The following PNPT1 variants were observed in gnomAD, a reference collection of about 807,000 sequenced individuals.
The protein encoded by PNPT1 is polyribonucleotide nucleotidyltransferase 1.
PNPT1 carries 53 observed loss-of-function variants against 119.5 expected under a neutral mutation model. That is an observed-to-expected ratio of 0.44 (90% CI 0.36 to 0.56). The LOEUF (loss-of-function observed/expected upper bound fraction) is 0.56. Ranked by LOEUF, PNPT1 falls within the 20% of genes least tolerant of loss-of-function variation. PNPT1 has a pLI of 0.00. For missense variants in PNPT1, 948 were observed against 938.5 expected, an observed-to-expected ratio of 1.01 and a Z score of -0.13; for synonymous variants, 357 against 322.1, an observed-to-expected ratio of 1.11 and a Z score of -1.16.
At position 55,661,081 on chromosome 2, in the gene PNPT1, AAT is replaced by A. The variant is rs575579531; in HGVS notation, c.1247+873_1247+874del. 1.2e-4 allele frequency among the ~76,000 whole-genome samples: 18 copies of A among 148,490 alleles called. No individual in the cohort carries two copies. The South Asian group carries it at 3.6e-3, about 30-fold the overall frequency. ...ATGCAATAATGCTGGTGAGGACTGC[AAT>A]AGAGATTCTTTTTTTTTTTTTTTTT... is the stretch of plus-strand genomic sequence containing the variant. On this transcript the variant is annotated intron_variant, in intron 14 of 27. Transcript: ENST00000447944.
intron 11 of PNPT1, among the ~76,000 whole-genome samples, chr2:55,668,974 T>A (rs546365949): frequency 6.6e-6 from 1 of 152,346 alleles, no homozygotes; most frequent in East Asian, 1.9e-4. Flanking sequence ...GGAAAAATTT[T>A]AAAAATATAT....
intron 1 of PNPT1, among the ~76,000 whole-genome samples, chr2:55,690,795 C>A (rs1330728680): frequency 6.6e-6 from 1 of 152,042 alleles, no homozygotes; most frequent in African/African-American, 2.4e-5. Flanking sequence ...TAAAATGGGT[C>A]TCCTGTGACT....
At chr2:55,668,998 A>G (rs1391065190) in intron 11 of PNPT1, among the ~76,000 whole-genome samples, 1 of 152,208 alleles carries the variant, frequency 6.6e-6, no homozygotes, top group Non-Finnish European at 1.5e-5. Context: ...AAATCCCTAC[A>G]AACTGTTTTC....
At position 55,679,662 on chromosome 2, in the gene PNPT1, T is replaced by C. The variant is rs998613585; in HGVS notation, c.679+20A>G. Reference sequence around the variant, plus strand: ...TTGTAAGTAAAATCCAGAACAAATGTGGTATTTAAAACAACTTACCAATCT... The same window carrying C: ...TTGTAAGTAAAATCCAGAACAAATGCGGTATTTAAAACAACTTACCAATCT... On this transcript the variant is annotated intron_variant, in intron 8 of 27. Coordinates refer to ENST00000447944, the MANE Select transcript of PNPT1 (RefSeq NM_033109.5). 2 of 1,471,466 alleles carry C rather than the reference T, an allele frequency of 1.4e-6. No homozygotes were observed. Among genetic ancestry groups the C allele is most frequent in the South Asian group, 2.3e-5 (2 of 87,370 alleles). The allele number at this position is 1,471,466 out of a possible 1,614,324, so 91.2% of individuals were successfully genotyped here.
intron 11 of PNPT1, among the ~76,000 whole-genome samples, chr2:55,670,863 G>T (rs1030830804): frequency 4.6e-5 from 7 of 151,958 alleles, no homozygotes; most frequent in African/African-American, 1.7e-4. Flanking sequence ...TACATTCATA[G>T]AAGTTAATTT....
intron 1 of PNPT1, 112 bp downstream of exon 1, chr2:55,693,551 G>T: frequency 6.9e-7 from 1 of 1,453,480 alleles, no homozygotes. Context: ...TTAGGGTAAG[G>T]AGAGATTAAA....
rs1473450802 is a variant in PNPT1 at position 55,654,613 on chromosome 2, T to C, written c.1495+287A>G. ...GCAGATATCTGGATATCTGAAGCTC[T>C]ACTTTTCAGCCATCTTGCCTCTGGC... is the stretch of plus-strand genomic sequence containing the variant. On this transcript the variant is annotated intron_variant, in intron 18 of 27. Transcript: ENST00000447944. Among the ~76,000 whole-genome samples the C allele has an allele frequency of 1.1e-4, 16 of 152,368 alleles. 1 individual carries two copies. The highest frequency in any genetic ancestry group is 3.9e-4 in the Admixed American group (6 of 15,304).
chr2:55,691,341 T>C (rs1282880893), intron 1 of PNPT1, among the ~76,000 whole-genome samples: 7 of 152,212 alleles, frequency 4.6e-5, no homozygotes, highest in African/African-American at 1.7e-4. Flanking sequence ...ACACCTACAA[T>C]AATTATATAA....
chr2:55,637,643 T>C (rs370899626), intron 26 of PNPT1, 44 bp from the exon 27 acceptor site: 6 of 1,458,498 alleles, frequency 4.1e-6, no homozygotes, highest in East Asian at 2.3e-5. Flanking sequence ...TGCATAATTA[T>C]GTAGTGTCCA....
Position 55,667,601 on chromosome 2 carries a change from AAAAC to A in PNPT1, c.1073+257_1073+260del, listed in dbSNP as rs565140375. Among the ~76,000 whole-genome samples, 456 of 151,994 alleles carry A rather than the reference AAAAC, an allele frequency of 3.0e-3. 3 individuals carry two copies. Among genetic ancestry groups the A allele is most frequent in the Non-Finnish European group, 5.1e-3 (346 of 67,954 alleles). ...ACTCTGTCTCAAAAAAAAAAAACAA[AAAAC>A]AAACAAACAAAAAACTCTACAGGTA... On this transcript the variant is annotated intron_variant, in intron 12 of 27. Coordinates refer to ENST00000447944, the MANE Select transcript of PNPT1 (RefSeq NM_033109.5).
intron 2 of PNPT1, among the ~76,000 whole-genome samples, 178 bp from the exon 3 acceptor site, chr2:55,686,622 A>G (rs1282562810): frequency 6.6e-6 from 1 of 152,254 alleles, no homozygotes; most frequent in Non-Finnish European, 1.5e-5. Context: ...AGCTTTTCAA[A>G]AGCTATGGAA....
At position 55,680,555 on chromosome 2, in the gene PNPT1, T is replaced by C. The variant is rs555340965; in HGVS notation, c.565+157A>G. ...ACAGAACCCAAGACAAGGATGAAAA[T>C]GTCTGAAAGACCTGAAAGGAGACTT... On this transcript the variant is annotated intron_variant, in intron 7 of 27. Transcript: ENST00000447944. Among the ~76,000 whole-genome samples, 604 of 151,814 alleles carry C rather than the reference T, an allele frequency of 4.0e-3. 3 individuals are homozygous for C. Among genetic ancestry groups the C allele is most frequent in the Non-Finnish European group, 6.2e-3 (422 of 67,972 alleles).
Position 55,640,620 on chromosome 2 carries a change from T to G in PNPT1, c.2148+7A>C, listed in dbSNP as rs1216700013. On this transcript the variant is annotated splice_region_variant and intron_variant, in intron 26 of 27. Coordinates refer to ENST00000447944, the MANE Select transcript of PNPT1 (RefSeq NM_033109.5). The stretch of plus-strand genomic sequence containing the variant: ...AAAAATAATAACAATAACATCTGTC[T>G]TTTTACCTTTCGTTGATCAAGTTGT... 1 of 1,565,652 alleles carries G rather than the reference T, an allele frequency of 6.4e-7. No homozygotes were observed. The highest frequency in any genetic ancestry group is 1.7e-5 in the Admixed American group (1 of 59,364).
At chr2:55,650,412 C>T (rs1187261463) in intron 18 of PNPT1, among the ~76,000 whole-genome samples, 9 of 152,208 alleles carry the variant, frequency 5.9e-5, no homozygotes, top group African/African-American at 1.9e-4. Flanking sequence ...CCTGAGGTGC[C>T]GGGATTGCAG....
At chr2:55,675,292 A>G (rs1044062082) in intron 8 of PNPT1, among the ~76,000 whole-genome samples, 5 of 150,894 alleles carry the variant, frequency 3.3e-5, no homozygotes, top group Admixed American at 3.3e-4. Context: ...CCAGATTCAA[A>G]AAAAAAAAAA....
chr2:55,662,896 TTG>T (rs201632336), intron 13 of PNPT1, among the ~76,000 whole-genome samples: 21 of 142,076 alleles, frequency 1.5e-4, no homozygotes, highest in East Asian at 1.1e-3. Flanking sequence ...TTTTTTTTTT[TTG>T]GAGACGGAAT....
intron 18 of PNPT1, among the ~76,000 whole-genome samples, chr2:55,652,044 G>A (rs1696229046): frequency 6.6e-6 from 1 of 152,050 alleles, no homozygotes; most frequent in Admixed American, 6.6e-5. Context: ...CTCCTAATAT[G>A]CCCAGTCAAC....
chr2:55,657,069 C>G (rs1462510879), intron 15 of PNPT1, among the ~76,000 whole-genome samples: 1 of 152,174 alleles, frequency 6.6e-6, no homozygotes, highest in Admixed American at 6.5e-5. Flanking sequence ...TGGCTCATGC[C>G]TGTAATCCCA....
intron 25 of PNPT1, 90 bp from the exon 26 acceptor site, chr2:55,640,795 A>T (rs1234802895): frequency 1.1e-5 from 10 of 928,968 alleles, no homozygotes; most frequent in Non-Finnish European, 1.6e-5. Flanking sequence ...ATGAGGAAAA[A>T]GTAAAAAACG....
Sources: gnomAD v4.1 joint callset for allele counts (sites outside exome capture counted in the v4.1 genomes callset) on GRCh38, gnomAD v4.1.1 for gene constraint, MANE v1.5 for transcripts, NCBI Gene and HGNC (gene_info 2026-07-23, HGNC 2026-07-21) for gene names.